The following PPIL6 variants were observed in gnomAD, a reference collection of about 807,000 sequenced individuals.
PPIL6 encodes peptidylprolyl isomerase like 6.
Under a neutral mutation model 36.8 loss-of-function variants are expected in PPIL6, and 39 were observed. That is an observed-to-expected ratio of 1.06 (90% CI 0.82 to 1.38). The LOEUF (loss-of-function observed/expected upper bound fraction) is 1.38. PPIL6 is among the 40% of genes most tolerant of loss of function. PPIL6 has a pLI of 0.00. For synonymous variants in PPIL6, 123 were observed against 134.1 expected (o/e 0.92, Z 0.57); for missense variants, 368 against 379.1 (o/e 0.97, Z 0.24).
At chr6:109,439,824 T>C (rs1458486060) in intron 1 of PPIL6, among the ~76,000 whole-genome samples, 1 of 152,200 alleles carries the variant, frequency 6.6e-6, no homozygotes, top group Non-Finnish European at 1.5e-5. Context: ...ACATTTCTCC[T>C]GCATTTCAGG....
chr6:109,415,173 C>T (rs577399530), intron 6 of PPIL6, among the ~76,000 whole-genome samples: 1 of 152,218 alleles, frequency 6.6e-6, no homozygotes, highest in African/African-American at 2.4e-5. Flanking sequence ...GTTAACTTTA[C>T]GGAAATACAT....
chr6:109,438,877 G>A (rs1012528522), intron 1 of PPIL6, among the ~76,000 whole-genome samples: 2 of 152,192 alleles, frequency 1.3e-5, no homozygotes, highest in Non-Finnish European at 2.9e-5. Context: ...AAGAGCCACC[G>A]CGCTCGGCCT....
intron 6 of PPIL6, among the ~76,000 whole-genome samples, chr6:109,416,495 G>A (rs943967331): frequency 3.4e-5 from 5 of 145,096 alleles, no homozygotes; most frequent in Admixed American, 7.0e-5. Flanking sequence ...GAGCCACTGC[G>A]CCTGGCCTTT....
chr6:109,405,269 A>G (rs1413749762), intron 6 of PPIL6, among the ~76,000 whole-genome samples: 1 of 152,200 alleles, frequency 6.6e-6, no homozygotes, highest in Non-Finnish European at 1.5e-5. Context: ...CGACTTTTAT[A>G]TAACCATGCA....
intron 2 of PPIL6, among the ~76,000 whole-genome samples, chr6:109,435,752 C>T (rs372633263): frequency 7.2e-5 from 11 of 152,086 alleles, no homozygotes; most frequent in African/African-American, 2.7e-4. Context: ...TGGTGAAACC[C>T]CATCTGTTAA....
At chr6:109,396,343 T>C (rs1255188592) in intron 7 of PPIL6, among the ~76,000 whole-genome samples, 1 of 152,190 alleles carries the variant, frequency 6.6e-6, no homozygotes, top group Non-Finnish European at 1.5e-5. Flanking sequence ...ATGGCCCCCA[T>C]CACCTTTGCG....
chr6:109,422,978 C>T (rs1317433507), intron 5 of PPIL6, among the ~76,000 whole-genome samples: 1 of 152,202 alleles, frequency 6.6e-6, no homozygotes, highest in Non-Finnish European at 1.5e-5. Flanking sequence ...CATAGCAGCG[C>T]TCATTCTTAA....
At chr6:109,410,510 C>A (rs1310623157) in intron 6 of PPIL6, among the ~76,000 whole-genome samples, 1 of 152,152 alleles carries the variant, frequency 6.6e-6, no homozygotes, top group Non-Finnish European at 1.5e-5. Context: ...TCCCCGCTGA[C>A]CTCCTAAAAT....
Position 109,408,036 on chromosome 6 carries a change from CTTA to C in PPIL6, c.689-7869_689-7867del, listed in dbSNP as rs545466265. 6.3e-3 allele frequency among the ~76,000 whole-genome samples: 961 copies of C among 152,268 alleles called. 14 individuals are homozygous for C. The highest frequency in any genetic ancestry group is 0.022 in the African/African-American group (913 of 41,554). ...CCACCAGTTGTGTGTCAAGGTCTCT[CTTA>C]TTATTAATATTTGGTTGTGTGAAAT... is the stretch of plus-strand genomic sequence containing the variant. On this transcript the variant is annotated intron_variant, in intron 6 of 7. Transcript: ENST00000521072.
chr6:109,412,941 C>T (rs916792299), intron 6 of PPIL6, among the ~76,000 whole-genome samples: 6 of 152,050 alleles, frequency 3.9e-5, no homozygotes, highest in South Asian at 4.1e-4. Context: ...AGGTGGATCA[C>T]GAGGTCAGGA....
At position 109,431,357 on chromosome 6, in the gene PPIL6, A is replaced by G. The variant is rs1774145830; in HGVS notation, c.232-12T>C. The G allele has an allele frequency of 1.4e-6, 2 of 1,472,780 alleles. No homozygotes were observed. The highest frequency in any genetic ancestry group is 4.3e-5 in the Admixed American group (2 of 46,412). 91.2% of individuals were successfully genotyped at this position (1,472,780 alleles called of 1,614,324 possible). On this transcript the variant is annotated splice_polypyrimidine_tract_variant and intron_variant, in intron 2 of 7. Coordinates refer to ENST00000521072, the MANE Select transcript of PPIL6 (RefSeq NM_173672.5). ...TCATTTTTGAGTTCCTGTAAGGGAA[A>G]AGGACAAAAAAAAAAAAAAACGTAA...
In PPIL6 at chr6:109,440,584, T is replaced by A; in HGVS notation, c.7A>T (p.Arg3Trp). ...TGCGGGGGCCCGCACGGCTGCGGCC[T>A]TGCCATGGCCGCGCCCGGGGACGCC... MARPQPCGPPHAR... is the reference protein window; with the variant it reads MAWPQPCGPPHAR... The change falls in exon 1 of 8, where the codon AGG becomes TGG. Residue 3 changes from arginine (R) to tryptophan (W), a missense_variant. Coordinates refer to ENST00000521072, the MANE Select transcript of PPIL6 (RefSeq NM_173672.5). The A allele has an allele frequency of 2.2e-6, 3 of 1,366,446 alleles. No homozygotes were observed. Among genetic ancestry groups the A allele is most frequent in the Non-Finnish European group, 2.8e-6 (3 of 1,061,400 alleles). The allele number at this position is 1,366,446 out of a possible 1,614,324, so 84.6% of individuals were successfully genotyped here.
chr6:109,440,859 C>A (rs914597017), upstream of PPIL6: 11 of 525,254 alleles, frequency 2.1e-5, no homozygotes, highest in South Asian at 2.7e-4. Context: ...AGCGCGCGGC[C>A]CTTACCGAGC....
chr6:109,435,582 C>T (rs976690103), intron 2 of PPIL6, among the ~76,000 whole-genome samples: 7 of 152,110 alleles, frequency 4.6e-5, no homozygotes, highest in African/African-American at 1.7e-4. Context: ...AGGTGTGGGC[C>T]ACCACACCCA....
intron 3 of PPIL6, among the ~76,000 whole-genome samples, chr6:109,430,309 C>T (rs2115275119): frequency 6.6e-6 from 1 of 152,360 alleles, no homozygotes; most frequent in South Asian, 2.1e-4. Context: ...CCCCTACTGC[C>T]ATCACATCCT....
At chr6:109,397,746 T>C (rs185596216) in intron 7 of PPIL6, among the ~76,000 whole-genome samples, 149 of 152,224 alleles carry the variant, frequency 9.8e-4, no homozygotes, top group African/African-American at 3.6e-3. Flanking sequence ...CATGTTTGTG[T>C]TTGAGAAAGG....
chr6:109,432,968 G>A (rs9480958), intron 2 of PPIL6, among the ~76,000 whole-genome samples: 78,276 of 151,926 alleles, frequency 0.52, 21,312 homozygotes, highest in African/African-American at 0.71. Flanking sequence ...CTTATGCTGA[G>A]CTATAAATCA....
intron 6 of PPIL6, among the ~76,000 whole-genome samples, chr6:109,417,258 G>A (rs1046992974): frequency 1.3e-5 from 2 of 151,788 alleles, no homozygotes; most frequent in African/African-American, 2.4e-5. Context: ...TGCAGTGGCA[G>A]CTTCTCCAAA....
rs1278637579 is a variant in PPIL6, at chr6:109,392,832, A to G, written c.930T>C (p.Tyr310=). The change falls in exon 8 of 8, where the codon TAT becomes TAC. Residue 310 remains tyrosine, a synonymous_variant. Coordinates refer to ENST00000521072, the MANE Select transcript of PPIL6 (RefSeq NM_173672.5). ...MCRITDSGDP[Y]A ...GAAAATATTGATATGAAAATCAAGC[A>G]TAAGGATCTCCACTGTCAGTAATTC... is the stretch of plus-strand genomic sequence containing the variant. 1 of 1,501,490 alleles carries G rather than the reference A, an allele frequency of 6.7e-7. No individual in the cohort carries two copies. The highest frequency in any genetic ancestry group is 2.3e-5 in the East Asian group (1 of 43,906). 93.0% of individuals were successfully genotyped at this position (1,501,490 alleles called of 1,614,324 possible).
Sources: allele counts gnomAD v4.1 joint callset (sites outside exome capture counted in the v4.1 genomes callset), GRCh38; gene constraint gnomAD v4.1.1; transcripts MANE v1.5; gene names NCBI Gene and HGNC (gene_info 2026-07-23, HGNC 2026-07-21).